The following BCAS4 variants were observed in gnomAD, a reference collection of about 807,000 sequenced individuals.
The protein encoded by BCAS4 is breast carcinoma amplified sequence 4, also known as breast carcinoma-amplified sequence 4.
Under a neutral mutation model 15.7 loss-of-function variants are expected in BCAS4, and 9 were observed. That is an observed-to-expected ratio of 0.57 (90% confidence interval 0.34 to 1.00). BCAS4 has a LOEUF of 1.00. Ranked by LOEUF, BCAS4 falls within the 50% of genes least tolerant of loss-of-function variation. The probability of loss-of-function intolerance (pLI) is 0.02; values close to 1 mark genes in which losing one functional copy is unlikely to be tolerated. For synonymous variants in BCAS4, 101 were observed against 99.5 expected (o/e 1.02, Z -0.09); for missense variants, 225 against 239.1 (o/e 0.94, Z 0.39).
chr20:50,876,619 CT>C lies in BCAS4; in HGVS notation c.*13del. 1 of 1,613,314 alleles carries C rather than the reference CT, an allele frequency of 6.2e-7. No individual in the cohort carries two copies. Among genetic ancestry groups the C allele is most frequent in the Middle Eastern group, 1.7e-4 (1 of 6,060 alleles). ...CCTCGGCCTTTGTGAGCTTTGTGGT[CT>C]TCCCATCAGGAACGCTGGAAAGTGA... On this transcript the variant is annotated 3_prime_UTR_variant, in exon 5 of 5. Transcript: ENST00000371608.
rs771780945 is a variant in BCAS4 at position 50,841,859 on chromosome 20, C to A, written c.358C>A (p.Arg120=). 5.6e-6 allele frequency: 9 copies of A among 1,606,250 alleles called. 1 individual carries two copies. The highest frequency in any genetic ancestry group is 1.7e-4 in the Middle Eastern group (1 of 6,032). The change falls in exon 4 of 5, where the codon CGG becomes AGG. Residue 120 remains arginine (R), a synonymous_variant. Coordinates refer to ENST00000371608, the MANE Select transcript of BCAS4 (RefSeq NM_198799.4). The part of the protein sequence containing the change: ...RDHGAFPQAL[R]RWLGSAGLPS... ...CCATGGGGCCTTCCCTCAGGCCCTG[C>A]GGAGGTGGCTGGGATCCGCAGGGCT...
At chr20:50,798,884 T>A (rs1297284757) in intron 1 of BCAS4, among the ~76,000 whole-genome samples, 1 of 152,210 alleles carries the variant, frequency 6.6e-6, no homozygotes, top group African/African-American at 2.4e-5. Flanking sequence ...GGTGTTATGT[T>A]GATTTTATAG....
intron 4 of BCAS4, among the ~76,000 whole-genome samples, chr20:50,874,766 A>G (rs900240174): frequency 9.9e-5 from 15 of 152,124 alleles, no homozygotes; most frequent in Non-Finnish European, 1.6e-4. Flanking sequence ...AGCAGGCAGC[A>G]TGGGGAGGGG....
At chr20:50,840,446 G>T (rs1425562822) in intron 3 of BCAS4, 3 of 803,064 alleles carry the variant, frequency 3.7e-6, no homozygotes, top group Non-Finnish European at 4.3e-6. Context: ...AGATGGGAGA[G>T]GCAGTCGCGG....
At chr20:50,855,717 A>C (rs1339512665) in intron 4 of BCAS4, among the ~76,000 whole-genome samples, 1 of 152,118 alleles carries the variant, frequency 6.6e-6, no homozygotes, top group Non-Finnish European at 1.5e-5. Context: ...ATCAGGGCAT[A>C]AGTGCGCCCA....
At chr20:50,854,407 C>T (rs562717754) in intron 4 of BCAS4, among the ~76,000 whole-genome samples, 5 of 152,128 alleles carry the variant, frequency 3.3e-5, no homozygotes, top group Non-Finnish European at 7.4e-5. Flanking sequence ...TGGAGAGTGG[C>T]GTGCTTTGTT....
upstream of BCAS4, chr20:50,795,047 A>G (rs1223967147): frequency 3.0e-5 from 44 of 1,469,756 alleles, no homozygotes; most frequent in Middle Eastern, 2.3e-4. Context: ...ACGGGCTCCC[A>G]GGCAGCCTCC....
chr20:50,813,674 CTTTTTTTTTTTT>C (rs965295871), intron 1 of BCAS4, among the ~76,000 whole-genome samples: 2 of 82,392 alleles, frequency 2.4e-5, no homozygotes, highest in Admixed American at 1.6e-4. Flanking sequence ...GGTGGAGGAC[CTTTTTTTTTTTT>C]TTTTTTTTTT....
intron 3 of BCAS4, among the ~76,000 whole-genome samples, chr20:50,832,129 A>G (rs974723886): frequency 6.6e-6 from 1 of 152,114 alleles, no homozygotes; most frequent in African/African-American, 2.4e-5. Flanking sequence ...GGGTATTACC[A>G]TATCAGCCTC....
At chr20:50,880,568 C>T (rs1374789506), downstream of BCAS4, 1 of 152,202 alleles carries the variant, frequency 6.6e-6, no homozygotes, top group African/African-American at 2.4e-5. Flanking sequence ...GATCCTCCTA[C>T]CTTGGCCACC....
At chr20:50,833,785 T>C (rs2123795634) in intron 3 of BCAS4, among the ~76,000 whole-genome samples, 1 of 152,262 alleles carries the variant, frequency 6.6e-6, no homozygotes, top group African/African-American at 2.4e-5. Flanking sequence ...GCTGGGCATA[T>C]GGCCGAGGGG....
rs11480556 is a variant in BCAS4, at chr20:50,851,006, T to TC, written c.399+9110dup. ...CAGTGCCAGGCTCAGCGTGCTCCCC[T>TC]CCCCAGCGACCCCCCCAGCTCCCGC... On this transcript the variant is annotated intron_variant, in intron 4 of 4. Transcript: ENST00000371608. This position sits in a 1 kb window ranked among gnomAD's most constrained non-coding sequence, Gnocchi z 4.3. Among the ~76,000 whole-genome samples, 151,964 of 151,966 alleles carry TC rather than the reference T, an allele frequency of 1. 75,981 individuals carry two copies. Among genetic ancestry groups the TC allele is most frequent in the Non-Finnish European group, 1 (67,968 of 67,968 alleles).
chr20:50,869,892 G>T (rs1237472281), intron 4 of BCAS4, among the ~76,000 whole-genome samples: 2 of 151,878 alleles, frequency 1.3e-5, no homozygotes, highest in Non-Finnish European at 2.9e-5. Context: ...GGGATTACAG[G>T]CACCCGCCAC....
chr20:50,852,110 C>T (rs933291870), intron 4 of BCAS4, among the ~76,000 whole-genome samples: 6 of 152,214 alleles, frequency 3.9e-5, no homozygotes, highest in Non-Finnish European at 8.8e-5. Flanking sequence ...GTCTCCATTC[C>T]GACTCTTCAG....
At chr20:50,848,388 G>A (rs11696926) in intron 4 of BCAS4, among the ~76,000 whole-genome samples, 1,889 of 152,288 alleles carry the variant, frequency 0.012, 22 homozygotes, top group Middle Eastern at 0.034. Flanking sequence ...AAGAAAGAGC[G>A]CTCCCGGCCA....
intron 4 of BCAS4, among the ~76,000 whole-genome samples, chr20:50,861,396 A>G (rs946249345): frequency 1.3e-5 from 2 of 152,188 alleles, no homozygotes; most frequent in African/African-American, 4.8e-5. Context: ...TGGAGCCCAC[A>G]GTGTGGGCCT....
At chr20:50,853,235 C>G (rs1034823103) in intron 4 of BCAS4, among the ~76,000 whole-genome samples, 2 of 150,442 alleles carry the variant, frequency 1.3e-5, no homozygotes. Context: ...ACCTCCGCCT[C>G]CCGGGTTCAA....
At position 50,841,816 on chromosome 20, in the gene BCAS4, G is replaced by A; in HGVS notation, c.315G>A (p.Val105=). ...ACGTCGCCTTCCTGGAAGCAGACGT[G>A]CTTCAGGCTGAGCGGGACCATGGGG... ...GHHVAFLEAD[V]LQAERDHGAF... Residue 105 remains valine (V), a synonymous_variant, in exon 4 of 5, where the codon GTG becomes GTA. Transcript: ENST00000371608. 2 of 1,613,894 alleles carry A rather than the reference G, an allele frequency of 1.2e-6. No individual in the cohort carries two copies. Among genetic ancestry groups the A allele is most frequent in the African/African-American group, 1.3e-5 (1 of 75,060 alleles).
chr20:50,825,712 A>G (rs2088270620), intron 2 of BCAS4, among the ~76,000 whole-genome samples: 1 of 152,188 alleles, frequency 6.6e-6, no homozygotes, highest in South Asian at 2.1e-4. Flanking sequence ...CCCCATCTCT[A>G]CTAAAAATAC....
Sources: gnomAD v4.1 joint callset for allele counts (sites outside exome capture counted in the v4.1 genomes callset) on GRCh38, gnomAD v4.1.1 for gene constraint, Gnocchi (gnomAD v3.1) non-coding constraint, MANE v1.5 for transcripts, NCBI Gene and HGNC (gene_info 2026-07-23, HGNC 2026-07-21) for gene names.